Variants in CDH13 observed in about 807,000 individuals in gnomAD.
CDH13 encodes the protein cadherin-13.
A neutral mutation model predicts 63.8 loss-of-function variants in CDH13; 24 were observed. The observed-to-expected ratio is 0.38, with a 90% CI of 0.27 to 0.53. The LOEUF (loss-of-function observed/expected upper bound fraction) is 0.53. Ranked by LOEUF, CDH13 falls within the 20% of genes least tolerant of loss-of-function variation. The probability of loss-of-function intolerance (pLI) is 0.85; values close to 1 mark genes in which losing one functional copy is unlikely to be tolerated. For synonymous variants in CDH13, 503 were observed against 355.3 expected, an observed-to-expected ratio of 1.42 and a Z score of -4.67; for missense variants, 1,049 against 903.1, an observed-to-expected ratio of 1.16 and a Z score of -2.07.
chr16:83,680,537 T>C (rs1007273785), intron 10 of CDH13, among the ~76,000 whole-genome samples: 13 of 151,990 alleles, frequency 8.6e-5, no homozygotes, highest in African/African-American at 3.1e-4. Context: ...AGGCCAAGAT[T>C]TGAGCCATGG....
intron 7 of CDH13, among the ~76,000 whole-genome samples, chr16:83,579,530 C>T (rs1349554520): frequency 2.0e-5 from 3 of 152,036 alleles, no homozygotes; most frequent in Admixed American, 2.0e-4. Flanking sequence ...CACAAGAACT[C>T]ACTATCATGA....
At chr16:83,373,513 G>T (rs1310609971) in intron 6 of CDH13, among the ~76,000 whole-genome samples, 1 of 152,172 alleles carries the variant, frequency 6.6e-6, no homozygotes, top group Admixed American at 6.5e-5. Flanking sequence ...GAGAATACAG[G>T]TAGAGGGGGT....
chr16:82,808,268 T>C (rs1253457607), intron 1 of CDH13, among the ~76,000 whole-genome samples: 6 of 152,224 alleles, frequency 3.9e-5, no homozygotes, highest in Non-Finnish European at 7.3e-5. Flanking sequence ...TTTGTTCTCT[T>C]TGAAATAATG....
chr16:82,765,244 A>G (rs961843770), intron 1 of CDH13, among the ~76,000 whole-genome samples: 54 of 152,192 alleles, frequency 3.5e-4, no homozygotes, highest in Admixed American at 3.5e-3. Flanking sequence ...TCAGAATTCT[A>G]TCAGCTAAAT....
At chr16:82,819,602 G>A (rs1393653463) in intron 1 of CDH13, among the ~76,000 whole-genome samples, 1 of 152,128 alleles carries the variant, frequency 6.6e-6, no homozygotes, top group East Asian at 1.9e-4. Flanking sequence ...GGAGACAGAG[G>A]AAATTAAGAC....
intron 2 of CDH13, among the ~76,000 whole-genome samples, chr16:82,862,365 A>G (rs566141337): frequency 6.6e-6 from 1 of 152,348 alleles, no homozygotes; most frequent in African/African-American, 2.4e-5. Flanking sequence ...GCAAAATTAT[A>G]AAACAGGATA....
At chr16:83,215,233 C>A (rs372383367) in intron 4 of CDH13, among the ~76,000 whole-genome samples, 1 of 151,564 alleles carries the variant, frequency 6.6e-6, no homozygotes, top group East Asian at 1.9e-4. Context: ...TGCGCCATCA[C>A]GCCCAGCTAA....
chr16:83,182,232 CTCTT>C, intron 4 of CDH13, among the ~76,000 whole-genome samples: 1 of 152,190 alleles, frequency 6.6e-6, no homozygotes, highest in East Asian at 1.9e-4. Flanking sequence ...ACCATATTGT[CTCTT>C]TCTCCTCATC....
At chr16:83,450,439 C>G (rs1433940653) in intron 6 of CDH13, among the ~76,000 whole-genome samples, 1 of 152,134 alleles carries the variant, frequency 6.6e-6, no homozygotes, top group Non-Finnish European at 1.5e-5. Context: ...TGATGAGCTC[C>G]TCATGAGGAT....
intron 4 of CDH13, among the ~76,000 whole-genome samples, chr16:83,136,067 C>T (rs954470618): frequency 2.0e-5 from 3 of 151,820 alleles, no homozygotes; most frequent in Non-Finnish European, 4.4e-5. Context: ...AAACAGGATG[C>T]CGTGTATTCT....
intron 7 of CDH13, among the ~76,000 whole-genome samples, chr16:83,513,553 C>G (rs1200884487): frequency 6.6e-6 from 1 of 152,146 alleles, no homozygotes. Context: ...GACTTACAAT[C>G]ATGGCAGAAG....
intron 6 of CDH13, among the ~76,000 whole-genome samples, chr16:83,361,179 G>A (rs1311246290): frequency 3.3e-5 from 5 of 152,108 alleles, no homozygotes; most frequent in African/African-American, 1.2e-4. Flanking sequence ...GCGTTTCCCT[G>A]ATGATTAGTG....
At position 82,842,112 on chromosome 16, in the gene CDH13, GTATATATATATATATATATA is replaced by G. The variant is rs1239169050; in HGVS notation, c.46-16243_46-16224del. Among the ~76,000 whole-genome samples, 2 of 58,958 alleles carry G rather than the reference GTATATATATATATATATATA, an allele frequency of 3.4e-5. 1 individual carries two copies. Among genetic ancestry groups the G allele is most frequent in the African/African-American group, 1.4e-4 (2 of 14,670 alleles). 38.7% of individuals were successfully genotyped at this position (58,958 alleles called of 152,430 possible). A position where few individuals can be genotyped will look rare whatever the true frequency, so the allele number is the denominator to read the frequency against. On this transcript the variant is annotated intron_variant, in intron 1 of 13. Transcript: ENST00000567109. ...TCTACATATATATATATATATATAT[GTATATATATATATATATATA>G]TATATACACATATATATATATATAT...
intron 5 of CDH13, among the ~76,000 whole-genome samples, chr16:83,314,724 C>T (rs1330321164): frequency 6.6e-6 from 1 of 152,200 alleles, no homozygotes; most frequent in Non-Finnish European, 1.5e-5. Context: ...GGCGATTTTA[C>T]TGATTTCATG....
At position 82,801,146 on chromosome 16, in the gene CDH13, T is replaced by C. The variant is rs192857496; in HGVS notation, c.46-57216T>C. On this transcript the variant is annotated intron_variant, in intron 1 of 13. Transcript: ENST00000567109. ...GAAACAGAAAGTGTCCAAATCCCAC[T>C]TGGCTTCCTAACCTCTCAGACTCAC... Among the ~76,000 whole-genome samples the C allele has an allele frequency of 2.9e-4, 44 of 152,296 alleles. 1 individual carries two copies. The highest frequency in any genetic ancestry group is 1.0e-3 in the African/African-American group (42 of 41,570).
chr16:83,233,560 A>AG (rs2040062943), intron 5 of CDH13, among the ~76,000 whole-genome samples: 1 of 152,182 alleles, frequency 6.6e-6, no homozygotes, highest in Admixed American at 6.5e-5. Flanking sequence ...TTCTTCTGGA[A>AG]GGGAGCATCA....
At chr16:83,510,012 A>G (rs1322770147) in intron 7 of CDH13, among the ~76,000 whole-genome samples, 1 of 152,202 alleles carries the variant, frequency 6.6e-6, no homozygotes, top group African/African-American at 2.4e-5. Context: ...CCCTGCTTTA[A>G]TGGACTTTTT....
At chr16:83,277,022 A>G (rs989647747) in intron 5 of CDH13, among the ~76,000 whole-genome samples, 1 of 152,126 alleles carries the variant, frequency 6.6e-6, no homozygotes. Context: ...CCATAATACA[A>G]TTACCCCCCA....
At chr16:83,317,986 A>G (rs999483360) in intron 5 of CDH13, among the ~76,000 whole-genome samples, 1 of 152,152 alleles carries the variant, frequency 6.6e-6, no homozygotes, top group African/African-American at 2.4e-5. Context: ...TTCTGCTTAG[A>G]TTTGGCTTGT....
Sources: gnomAD v4.1 joint callset for allele counts (sites outside exome capture counted in the v4.1 genomes callset) on GRCh38, gnomAD v4.1.1 for gene constraint, MANE v1.5 for transcripts, NCBI Gene and HGNC (gene_info 2026-07-23, HGNC 2026-07-21) for gene names.